The following SH3RF2 variants were observed in gnomAD, a reference collection of about 807,000 sequenced individuals.
SH3RF2 encodes the protein E3 ubiquitin-protein ligase SH3RF2.
Under a neutral mutation model 59.0 loss-of-function variants are expected in SH3RF2, and 43 were observed. That is an observed-to-expected ratio of 0.73 (90% CI 0.57 to 0.94). SH3RF2 has a LOEUF of 0.94. SH3RF2 is among the 40% of genes least tolerant of loss of function. The probability of loss-of-function intolerance (pLI) is 0.00; values close to 1 mark genes in which losing one functional copy is unlikely to be tolerated. For missense variants in SH3RF2, 930 were observed against 940.1 expected, an observed-to-expected ratio of 0.99 and a Z score of 0.14; for synonymous variants, 391 against 391.5, an observed-to-expected ratio of 1.00 and a Z score of 0.01.
At chr5:146,041,978 C>T (rs1312621147) in intron 5 of SH3RF2, among the ~76,000 whole-genome samples, 3 of 152,134 alleles carry the variant, frequency 2.0e-5, no homozygotes, top group Non-Finnish European at 4.4e-5. Flanking sequence ...TCTCTCAACT[C>T]TGAGTGAACA....
intron 2 of SH3RF2, among the ~76,000 whole-genome samples, chr5:145,999,550 C>T (rs1760306898): frequency 1.3e-5 from 2 of 152,072 alleles, no homozygotes; most frequent in Non-Finnish European, 2.9e-5. Context: ...CTTCCTTTCA[C>T]TTGAAAATTT....
At chr5:145,982,805 G>A (rs1348050746) in intron 2 of SH3RF2, among the ~76,000 whole-genome samples, 2 of 152,162 alleles carry the variant, frequency 1.3e-5, no homozygotes, top group African/African-American at 2.4e-5. Flanking sequence ...ACCTGACCCT[G>A]ACATGGACAT....
downstream of SH3RF2, among the ~76,000 whole-genome samples, chr5:146,065,177 T>C (rs1381137410): frequency 1.3e-5 from 2 of 152,186 alleles, no homozygotes; most frequent in African/African-American, 2.4e-5. Context: ...TGGGTCAATA[T>C]CTGATGTTTG....
intron 9 of SH3RF2, among the ~76,000 whole-genome samples, chr5:146,074,097 A>T (rs1316437087): frequency 2.8e-5 from 4 of 140,700 alleles, no homozygotes; most frequent in South Asian, 2.2e-4. Flanking sequence ...TGGAGTACAG[A>T]GGCGCGATCT....
intron 5 of SH3RF2, among the ~76,000 whole-genome samples, chr5:146,038,741 C>T (rs188155149): frequency 2.0e-5 from 3 of 152,272 alleles, no homozygotes; most frequent in Non-Finnish European, 4.4e-5. Context: ...TGCTTCTCCC[C>T]CAAATTTAAC....
chr5:146,000,208 A>G lies in SH3RF2; in HGVS notation c.529A>G (p.Ser177Gly), dbSNP rs1561733381. 6 of 1,613,634 alleles carry G rather than the reference A, an allele frequency of 3.7e-6. No homozygotes were observed. The highest frequency in any genetic ancestry group is 5.1e-6 in the Non-Finnish European group (6 of 1,179,820). ...INGISGNFPASSVEVIKQLPQ... is the reference protein window; with the variant it reads ...INGISGNFPAGSVEVIKQLPQ... ...TGGCATCAGCGGGAACTTCCCAGCC[A>G]GCTCCGTGGAAGTCATCAAGCAGCT... The change falls in exon 3 of 10, where the codon AGC becomes GGC. Residue 177 changes from serine to glycine, a missense_variant. By Grantham distance (56) the Ser-to-Gly change is moderately conservative (BLOSUM62 0). Coordinates refer to ENST00000359120, the MANE Select transcript of SH3RF2 (RefSeq NM_152550.4).
At position 146,074,577 on chromosome 5, in the gene SH3RF2, TA is replaced by T. The variant is rs57550178; in HGVS notation, c.*34-3873del. Among the ~76,000 whole-genome samples the T allele has an allele frequency of 2.3e-3, 340 of 148,002 alleles. 3 individuals are homozygous for T. Among genetic ancestry groups the T allele is most frequent in the African/African-American group, 8.0e-3 (320 of 40,170 alleles). On this transcript the variant is annotated intron_variant, in intron 9 of 9. Transcript: ENST00000511217. ...AGCAAACAATAAGCAAACTGACATC[TA>T]AAAAAAAAACAAAACAAAACAAAAC...
At chr5:146,053,018 AG>A (rs1271640918) in intron 7 of SH3RF2, among the ~76,000 whole-genome samples, 24 of 152,236 alleles carry the variant, frequency 1.6e-4, no homozygotes, top group African/African-American at 5.5e-4. Context: ...TAAAACAGCC[AG>A]GGCCCAAAGG....
chr5:145,995,385 A>C lies in SH3RF2; in HGVS notation c.379-4673A>C, dbSNP rs116060711. Among the ~76,000 whole-genome samples, 1,038 of 152,310 alleles carry C rather than the reference A, an allele frequency of 6.8e-3. 15 individuals are homozygous for C. The highest frequency in any genetic ancestry group is 0.024 in the African/African-American group (1,011 of 41,558). ...TGAGAGGAAGAAGTATGGAGGAACA[A>C]TTATTGTTCCCTGATGTACCCAACC... On this transcript the variant is annotated intron_variant, in intron 2 of 9. Coordinates refer to ENST00000359120, the MANE Select transcript of SH3RF2 (RefSeq NM_152550.4).
chr5:146,056,270 C>G, intron 8 of SH3RF2, 57 bp downstream of exon 8: 20 of 1,608,428 alleles, frequency 1.2e-5, no homozygotes, highest in Non-Finnish European at 1.7e-5. Context: ...GAATCTGACC[C>G]AGGGGTACAC....
intron 2 of SH3RF2, among the ~76,000 whole-genome samples, chr5:145,974,070 C>T (rs1186169638): frequency 1.3e-5 from 2 of 152,160 alleles, no homozygotes; most frequent in Non-Finnish European, 2.9e-5. Flanking sequence ...AGGAAGGGTT[C>T]ACTTCCAGGC....
At chr5:146,076,120 A>T (rs2150029985) in intron 9 of SH3RF2, among the ~76,000 whole-genome samples, 1 of 152,326 alleles carries the variant, frequency 6.6e-6, no homozygotes, top group African/African-American at 2.4e-5. Flanking sequence ...TTAATGTGGC[A>T]GCCAGCTTTC....
rs200961428 is a variant in SH3RF2, at chr5:146,062,481, C to A, written c.1970C>A (p.Thr657Asn). The change falls in exon 10 of 10, where the codon ACC (threonine) becomes AAC (asparagine). Residue 657 changes from threonine (T) to asparagine (N), a missense_variant. Physicochemically the swap from Thr to Asn is moderately conservative, Grantham distance 65 (BLOSUM62 0). Coordinates refer to ENST00000359120, the MANE Select transcript of SH3RF2 (RefSeq NM_152550.4). ...NYSPPPTKHY[T>N]SHPTSGKPEQ... The stretch of plus-strand genomic sequence containing the variant: ...AGCCCTCCTCCCACCAAACATTACA[C>A]CTCCCATCCCACCTCCGGAAAGCCT... 23 of 1,614,228 alleles carry A rather than the reference C, an allele frequency of 1.4e-5. 1 individual carries two copies. Among genetic ancestry groups the A allele is most frequent in the South Asian group, 1.2e-4 (11 of 91,074 alleles).
At chr5:145,964,112 G>A (rs1758753199) in intron 2 of SH3RF2, among the ~76,000 whole-genome samples, 2 of 151,964 alleles carry the variant, frequency 1.3e-5, no homozygotes, top group Non-Finnish European at 2.9e-5. Flanking sequence ...GATTACAGGT[G>A]TAAGCCACCG....
intron 5 of SH3RF2, among the ~76,000 whole-genome samples, chr5:146,023,731 A>G (rs1761421058): frequency 6.6e-6 from 1 of 152,000 alleles, no homozygotes; most frequent in Non-Finnish European, 1.5e-5. Context: ...GAAATCCCAC[A>G]CCTCTTAGCC....
At chr5:146,073,351 C>T (rs1487240125) in intron 9 of SH3RF2, among the ~76,000 whole-genome samples, 1 of 152,228 alleles carries the variant, frequency 6.6e-6, no homozygotes, top group Non-Finnish European at 1.5e-5. Context: ...CCCCTCTGGG[C>T]ACTTGCAGCT....
chr5:146,004,265 C>T (rs1425496449), intron 4 of SH3RF2, 112 bp downstream of exon 4: 3 of 700,770 alleles, frequency 4.3e-6, no homozygotes, highest in Admixed American at 3.2e-5. Flanking sequence ...TCAGAACTAA[C>T]TAAAATCTCT....
At chr5:145,989,579 T>C (rs953242677) in intron 2 of SH3RF2, among the ~76,000 whole-genome samples, 1 of 152,184 alleles carries the variant, frequency 6.6e-6, no homozygotes, top group East Asian at 1.9e-4. Flanking sequence ...AAGGCCAGGA[T>C]GGTTTTGGTT....
chr5:145,997,469 G>A (rs1760213922), intron 2 of SH3RF2: 5 of 1,549,014 alleles, frequency 3.2e-6, no homozygotes, highest in East Asian at 2.2e-5. Context: ...TGAAAAATGG[G>A]ATAATGGATA....
Sources: allele counts gnomAD v4.1 joint callset (sites outside exome capture counted in the v4.1 genomes callset), GRCh38; gene constraint gnomAD v4.1.1; transcripts MANE v1.5; gene names NCBI Gene and HGNC (gene_info 2026-07-23, HGNC 2026-07-21).